Variants in QKI observed in about 807,000 individuals in gnomAD.
The protein encoded by QKI is QKI, KH domain containing RNA binding, also known as KH domain-containing RNA-binding protein QKI.
A neutral mutation model predicts 39.0 loss-of-function variants in QKI; 10 were observed. The observed-to-expected ratio is 0.26, with a 90% CI of 0.16 to 0.43. QKI has a LOEUF of 0.43. Among genes scored for constraint, QKI ranks in the 20% least tolerant of loss-of-function variants. The probability of loss-of-function intolerance (pLI) is 1.00; values close to 1 mark genes in which losing one functional copy is unlikely to be tolerated. For synonymous variants in QKI, 204 were observed against 155.4 expected, an observed-to-expected ratio of 1.31 and a Z score of -2.33; for missense variants, 218 against 428.0, an observed-to-expected ratio of 0.51 and a Z score of 4.33.
chr6:163,456,402 G>C (rs1447674505), intron 2 of QKI, among the ~76,000 whole-genome samples: 1 of 152,018 alleles, frequency 6.6e-6, no homozygotes, highest in East Asian at 1.9e-4. Flanking sequence ...GCACATAATA[G>C]GTAACAATAC....
rs771609983 is a variant in QKI at position 163,563,568 on chromosome 6, T to C, written c.783T>C (p.Ala261=). 6.2e-7 allele frequency: 1 copy of C among 1,614,198 alleles called. No homozygotes were observed. The highest frequency in any genetic ancestry group is 2.2e-5 in the East Asian group (1 of 44,870). ...IMPLIRQIQT[A]VMPNGTPHPT... is the part of the protein sequence containing the mutation. The stretch of plus-strand genomic sequence containing the variant: ...CTTTGATCAGACAAATACAGACCGC[T>C]GTCATGCCAAACGGAACTCCTCACC... Residue 261 remains alanine, a synonymous_variant, in exon 6 of 8, where the codon GCT becomes GCC. Transcript: ENST00000361752.
intron 3 of QKI, among the ~76,000 whole-genome samples, chr6:163,495,394 C>T (rs1778342945): frequency 6.6e-6 from 1 of 152,020 alleles, no homozygotes; most frequent in South Asian, 2.1e-4. Context: ...TGTGTGTGAG[C>T]ATGCGCGTGT....
chr6:163,459,495 G>A (rs1583025903), intron 2 of QKI, among the ~76,000 whole-genome samples: 1 of 152,284 alleles, frequency 6.6e-6, no homozygotes, highest in African/African-American at 2.4e-5. Flanking sequence ...GTAGTGCTGA[G>A]GTTGAGAAAC....
chr6:163,516,394 A>G (rs980197665), intron 3 of QKI, among the ~76,000 whole-genome samples: 6 of 152,064 alleles, frequency 3.9e-5, no homozygotes, highest in African/African-American at 1.4e-4. Flanking sequence ...TCCCAGTTTC[A>G]AGCAGTTCTC....
intron 4 of QKI, among the ~76,000 whole-genome samples, chr6:163,549,278 G>A (rs751558565): frequency 7.2e-5 from 11 of 152,126 alleles, no homozygotes; most frequent in Non-Finnish European, 1.6e-4. Context: ...TAGCAGTCCT[G>A]GAGGGGATAT....
chr6:163,510,657 G>A (rs1052848353), intron 3 of QKI, among the ~76,000 whole-genome samples: 8 of 152,106 alleles, frequency 5.3e-5, no homozygotes, highest in Non-Finnish European at 1.2e-4. Context: ...GTAAAAGATT[G>A]AAGTGACTAT....
chr6:163,522,549 GTCTCTAT>G (rs1455909539), intron 3 of QKI, among the ~76,000 whole-genome samples: 2 of 151,952 alleles, frequency 1.3e-5, no homozygotes, highest in Non-Finnish European at 2.9e-5. Context: ...TTTTCATTTT[GTCTCTAT>G]TCTCCAGTGA....
At position 163,535,174 on chromosome 6, in the gene QKI, C is replaced by G. The variant is rs7769366; in HGVS notation, c.546+49C>G. 4.9e-3 allele frequency: 7,373 copies of G among 1,494,998 alleles called. 222 individuals are homozygous for G. The South Asian group carries it at 0.057, about 12-fold the overall frequency. The allele number at this position is 1,494,998 out of a possible 1,614,324, so 92.6% of individuals were successfully genotyped here. A position where few individuals can be genotyped will look rare whatever the true frequency, so the allele number is the denominator to read the frequency against. On this transcript the variant is annotated intron_variant, in intron 4 of 7. Coordinates refer to ENST00000361752, the MANE Select transcript of QKI (RefSeq NM_006775.3). ...AGATTTGGGCCTCGTCCTTTTTTGTCAGTTTATTTTAAATTATCGTAATGT... is the reference window on the plus strand; with the variant it reads ...AGATTTGGGCCTCGTCCTTTTTTGTGAGTTTATTTTAAATTATCGTAATGT...
chr6:163,463,974 GCTCAGCTCCCCCTCAT>G (rs1439827638), intron 2 of QKI, among the ~76,000 whole-genome samples: 1 of 151,994 alleles, frequency 6.6e-6, no homozygotes, highest in Non-Finnish European at 1.5e-5. Context: ...CACCAAACAT[GCTCAGCTCCCCCTCAT>G]CCCACAATAT....
intron 1 of QKI, among the ~76,000 whole-genome samples, chr6:163,445,764 G>A (rs986350246): frequency 1.3e-4 from 19 of 151,948 alleles, no homozygotes; most frequent in Non-Finnish European, 2.4e-4. Context: ...ACAGGCGCCC[G>A]CCACCACGCC....
chr6:163,447,782 A>G (rs1478760998), intron 1 of QKI, among the ~76,000 whole-genome samples: 1 of 152,192 alleles, frequency 6.6e-6, no homozygotes, highest in Non-Finnish European at 1.5e-5. Context: ...GAATTATAAC[A>G]TCTTTATTAT....
At chr6:163,447,031 T>C (rs927742891) in intron 1 of QKI, among the ~76,000 whole-genome samples, 3 of 152,148 alleles carry the variant, frequency 2.0e-5, no homozygotes, top group Non-Finnish European at 4.4e-5. Context: ...CAGCCAGCAA[T>C]ACATCAAAAG....
intron 1 of QKI, among the ~76,000 whole-genome samples, chr6:163,451,333 CATT>C (rs1482680925): frequency 6.6e-6 from 1 of 152,132 alleles, no homozygotes; most frequent in Admixed American, 6.5e-5. Context: ...ATCCATTGAT[CATT>C]ATGGAATGTT....
chr6:163,552,666 G>A (rs1032896873), intron 4 of QKI, among the ~76,000 whole-genome samples: 1 of 152,022 alleles, frequency 6.6e-6, no homozygotes. Context: ...AAGGTTCAGC[G>A]GCGTACTCAT....
intron 4 of QKI, among the ~76,000 whole-genome samples, chr6:163,539,265 G>T (rs1781375392): frequency 6.6e-6 from 1 of 152,130 alleles, no homozygotes; most frequent in Admixed American, 6.5e-5. Context: ...GAAATCATCA[G>T]CCATTGGATT....
intron 3 of QKI, among the ~76,000 whole-genome samples, chr6:163,523,724 T>C (rs1225256029): frequency 6.6e-6 from 1 of 152,188 alleles, no homozygotes; most frequent in Non-Finnish European, 1.5e-5. Context: ...GATGAAAATA[T>C]CATAAAAGAT....
intron 3 of QKI, among the ~76,000 whole-genome samples, chr6:163,495,809 G>C (rs1324115864): frequency 6.6e-6 from 1 of 152,142 alleles, no homozygotes; most frequent in Non-Finnish European, 1.5e-5. Context: ...GTTTTAAAAA[G>C]TGATGTTGTG....
chr6:163,542,462 T>C (rs886561511), intron 4 of QKI, among the ~76,000 whole-genome samples: 1 of 152,060 alleles, frequency 6.6e-6, no homozygotes, highest in African/African-American at 2.4e-5. Context: ...TTGTTTTCAC[T>C]ATAATTTTCC....
intron 3 of QKI, among the ~76,000 whole-genome samples, chr6:163,511,313 TAAAG>T (rs1351919184): frequency 2.0e-5 from 3 of 152,026 alleles, no homozygotes; most frequent in Admixed American, 2.0e-4. Context: ...ATTAAACATT[TAAAG>T]AAAACAGCAA....
Sources: allele counts gnomAD v4.1 joint callset (sites outside exome capture counted in the v4.1 genomes callset), GRCh38; gene constraint gnomAD v4.1.1; transcripts MANE v1.5; gene names NCBI Gene and HGNC (gene_info 2026-07-23, HGNC 2026-07-21).